The following MMD2 variants were observed in gnomAD, a reference collection of about 807,000 sequenced individuals.
MMD2 encodes monocyte to macrophage differentiation associated 2.
MMD2 carries 30 observed loss-of-function variants against 33.5 expected under a neutral mutation model. The ratio of observed to expected loss-of-function variants is 0.90; its 90% CI spans 0.67 to 1.22. The LOEUF is 1.22. Ranked by LOEUF, MMD2 falls within the 50% of genes most tolerant of loss-of-function variation. MMD2 has a pLI of 0.00. For synonymous variants in MMD2, 129 were observed against 123.0 expected (o/e 1.05, Z -0.32); for missense variants, 364 against 325.4 (o/e 1.12, Z -0.91).
chr7:4,899,423 T>C, the MMD2 span, among the ~76,000 whole-genome samples: 1 of 151,958 alleles, frequency 6.6e-6, no homozygotes, highest in South Asian at 2.1e-4. Flanking sequence ...AAGTCTTGCT[T>C]TGTCGCCCAG....
intron 1 of MMD2, among the ~76,000 whole-genome samples, chr7:4,944,888 C>T (rs34393814): frequency 0.12 from 18,743 of 150,922 alleles, 1,449 homozygotes; most frequent in East Asian, 0.33. Context: ...CTGCCTCAGC[C>T]TCCTGAATAG....
chr7:4,954,364 C>T (rs1786329056), intron 1 of MMD2, among the ~76,000 whole-genome samples: 2 of 152,080 alleles, frequency 1.3e-5, no homozygotes, highest in African/African-American at 4.8e-5. Context: ...ATGTCCTTTG[C>T]ACTGTGGCTT....
At chr7:4,932,526 C>T (rs1339224478) in intron 1 of MMD2, among the ~76,000 whole-genome samples, 2 of 152,054 alleles carry the variant, frequency 1.3e-5, no homozygotes, top group African/African-American at 4.8e-5. Flanking sequence ...ACAGATTCAC[C>T]ATCCCCCAGA....
At chr7:4,953,847 A>G (rs568430740) in intron 1 of MMD2, among the ~76,000 whole-genome samples, 27 of 151,814 alleles carry the variant, frequency 1.8e-4, no homozygotes, top group Non-Finnish European at 3.4e-4. Context: ...GTTCATCTGA[A>G]ATTTACATTT....
Position 4,946,004 on chromosome 7 carries a change from G to A in MMD2, c.47+12967C>T, listed in dbSNP as rs1025596379. The stretch of plus-strand genomic sequence containing the variant: ...AATTCAGCATTCATTCCTATGTAAC[G>A]CAGCTGCCTGCTCAGAGAAGATTCC... On this transcript the variant is annotated intron_variant, in intron 1 of 6. Coordinates refer to ENST00000401401, the MANE Select transcript of MMD2 (RefSeq NM_198403.4). This position sits in a 1 kb window ranked among gnomAD's most constrained non-coding sequence, Gnocchi z 5.0. 2.0e-5 allele frequency among the ~76,000 whole-genome samples: 3 copies of A among 152,176 alleles called. No homozygotes were observed. Among genetic ancestry groups the A allele is most frequent in the East Asian group, 1.9e-4 (1 of 5,200 alleles).
chr7:4,908,764 G>GCT (rs1318803873), intron 6 of MMD2, among the ~76,000 whole-genome samples: 1 of 151,842 alleles, frequency 6.6e-6, no homozygotes, highest in Non-Finnish European at 1.5e-5. Context: ...GAGAGTGGTG[G>GCT]CACGCGCCTG....
intron 1 of MMD2, among the ~76,000 whole-genome samples, chr7:4,956,342 T>G (rs989942050): frequency 6.6e-6 from 1 of 151,468 alleles, no homozygotes; most frequent in Non-Finnish European, 1.5e-5. Flanking sequence ...AGGAGAATCA[T>G]GTTTGCCTAG....
chr7:4,892,616 A>AAATAAATAAATC, the MMD2 span, among the ~76,000 whole-genome samples: 410 of 150,182 alleles, frequency 2.7e-3, 1 homozygote, highest in African/African-American at 8.6e-3. Context: ...ATAAATAAAT[A>AAATAAATAAATC]AATCTGAAAA....
chr7:4,933,473 C>T (rs190632229), intron 1 of MMD2, among the ~76,000 whole-genome samples: 142 of 152,238 alleles, frequency 9.3e-4, no homozygotes, highest in Non-Finnish European at 1.0e-3. Context: ...CCATCCCTGT[C>T]TTTGCTCCTG....
At chr7:4,953,736 G>T (rs1786313648) in intron 1 of MMD2, among the ~76,000 whole-genome samples, 1 of 152,120 alleles carries the variant, frequency 6.6e-6, no homozygotes, top group Admixed American at 6.5e-5. Flanking sequence ...TTCCCAAAGT[G>T]CTGGAATTAA....
intron 1 of MMD2, among the ~76,000 whole-genome samples, chr7:4,945,246 C>CTTCTTCT (rs1562493963): frequency 1.3e-4 from 3 of 22,868 alleles, no homozygotes; most frequent in Non-Finnish European, 1.9e-4. Flanking sequence ...CTTCCTCTCT[C>CTTCTTCT]TCTTTCTTTC....
chr7:4,896,181 G>A, the MMD2 span, among the ~76,000 whole-genome samples: 10 of 152,158 alleles, frequency 6.6e-5, no homozygotes, highest in East Asian at 1.9e-4. Flanking sequence ...TTGCTCTCCT[G>A]TCTCAAAAAT....
At chr7:4,932,230 G>A (rs1785607431) in intron 1 of MMD2, among the ~76,000 whole-genome samples, 1 of 152,120 alleles carries the variant, frequency 6.6e-6, no homozygotes, top group Non-Finnish European at 1.5e-5. Context: ...ATTGAATGCT[G>A]GCGGAGAGGG....
At chr7:4,903,815 G>A (rs539670223), downstream of MMD2, among the ~76,000 whole-genome samples, 69 of 152,344 alleles carry the variant, frequency 4.5e-4, no homozygotes, top group Middle Eastern at 6.8e-3. Context: ...GCCTGCTGCC[G>A]ACTGCTCTCC....
chr7:4,955,200 T>C (rs111832315), intron 1 of MMD2, among the ~76,000 whole-genome samples: 1 of 152,212 alleles, frequency 6.6e-6, no homozygotes, highest in African/African-American at 2.4e-5. Context: ...GCCTCTTTAT[T>C]CTGCTCCATT....
chr7:4,948,336 T>TG (rs924880615), intron 1 of MMD2, among the ~76,000 whole-genome samples: 1 of 151,908 alleles, frequency 6.6e-6, no homozygotes, highest in Admixed American at 6.6e-5. Context: ...AGACCAGCCT[T>TG]GGGGGGGATC....
At chr7:4,925,382 G>C (rs762793989) in intron 2 of MMD2, 69 bp downstream of exon 2, 3 of 1,279,770 alleles carry the variant, frequency 2.3e-6, no homozygotes, top group African/African-American at 1.5e-5. Flanking sequence ...TGAAGGAGGT[G>C]ACTTCCCCCA....
chr7:4,911,083 G>A, intron 5 of MMD2, 62 bp downstream of exon 5: 2 of 1,358,792 alleles, frequency 1.5e-6, no homozygotes, highest in Non-Finnish European at 2.1e-6. Context: ...GCCCAGGAGT[G>A]CTGGGGAGGC....
intron 4 of MMD2, among the ~76,000 whole-genome samples, chr7:4,913,672 C>T (rs538741026): frequency 7.1e-6 from 1 of 140,830 alleles, no homozygotes; most frequent in African/African-American, 2.7e-5. Flanking sequence ...GAGCCAAGAT[C>T]ACGCCATTGC....
Sources: gnomAD v4.1 joint callset for allele counts (sites outside exome capture counted in the v4.1 genomes callset) on GRCh38, gnomAD v4.1.1 for gene constraint, Gnocchi (gnomAD v3.1) non-coding constraint, MANE v1.5 for transcripts, NCBI Gene and HGNC (gene_info 2026-07-23, HGNC 2026-07-21) for gene names.